Variants in CLINT1 observed in about 807,000 individuals in gnomAD.
The protein encoded by CLINT1 is clathrin interacting protein localized in the trans-Golgi region.
A neutral mutation model predicts 70.4 loss-of-function variants in CLINT1; 15 were observed. That is an observed-to-expected ratio of 0.21 (90% CI 0.14 to 0.33). The LOEUF is 0.33. Among genes scored for constraint, CLINT1 ranks in the 10% least tolerant of loss-of-function variants. The pLI, the probability that CLINT1 is intolerant of heterozygous loss-of-function variation, is 1.00. For missense variants in CLINT1, 615 were observed against 778.1 expected (o/e 0.79, Z 2.49); for synonymous variants, 227 against 254.7 (o/e 0.89, Z 1.04).
chr5:157,812,642 C>G (rs988000584), intron 5 of CLINT1, among the ~76,000 whole-genome samples: 1 of 152,146 alleles, frequency 6.6e-6, no homozygotes, highest in African/African-American at 2.4e-5. Context: ...GGAAGCTTAT[C>G]TGGTTTGGGC....
At chr5:157,858,274 A>G (rs1416160455) in intron 1 of CLINT1, among the ~76,000 whole-genome samples, 1 of 152,228 alleles carries the variant, frequency 6.6e-6, no homozygotes, top group Non-Finnish European at 1.5e-5. Flanking sequence ...GTAGTGGAAA[A>G]AGAAACAGAA....
chr5:157,810,220 G>C (rs1284342785), intron 5 of CLINT1, among the ~76,000 whole-genome samples: 3 of 152,102 alleles, frequency 2.0e-5, no homozygotes, highest in Non-Finnish European at 4.4e-5. Flanking sequence ...TTTCAGAAAA[G>C]CATTGGATAG....
At chr5:157,837,505 T>A (rs1182687921) in intron 1 of CLINT1, among the ~76,000 whole-genome samples, 2 of 152,110 alleles carry the variant, frequency 1.3e-5, no homozygotes, top group African/African-American at 2.4e-5. Flanking sequence ...ACTTGAGAAA[T>A]GCAATCGGTC....
At chr5:157,829,116 G>C (rs1145596) in intron 1 of CLINT1, among the ~76,000 whole-genome samples, 20,233 of 151,068 alleles carry the variant, frequency 0.13, 1,780 homozygotes, top group African/African-American at 0.25. Flanking sequence ...AACAACAACA[G>C]CAACAACAAC....
intron 1 of CLINT1, among the ~76,000 whole-genome samples, chr5:157,848,392 C>T (rs1418345723): frequency 2.0e-5 from 3 of 151,750 alleles, no homozygotes; most frequent in East Asian, 1.9e-4. Flanking sequence ...CCACTGCACC[C>T]GACCTAAGAA....
chr5:157,789,740 A>G (rs1339290198), intron 10 of CLINT1: 4 of 615,084 alleles, frequency 6.5e-6, no homozygotes, highest in Non-Finnish European at 8.5e-6. Flanking sequence ...CTGAAGTCCC[A>G]ATCAGGTTTG....
chr5:157,851,356 G>T (rs1232788470), intron 1 of CLINT1, among the ~76,000 whole-genome samples: 1 of 152,028 alleles, frequency 6.6e-6, no homozygotes, highest in Non-Finnish European at 1.5e-5. Flanking sequence ...CTTAAATACT[G>T]TCCTAAGAAT....
At chr5:157,794,827 G>T in intron 9 of CLINT1, 71 bp downstream of exon 9, 1 of 1,064,174 alleles carries the variant, frequency 9.4e-7, no homozygotes, top group South Asian at 1.4e-5. Context: ...AGCTGACTTG[G>T]GGGGAATGGG....
chr5:157,846,515 A>C (rs752149529), intron 1 of CLINT1, among the ~76,000 whole-genome samples: 3 of 152,260 alleles, frequency 2.0e-5, no homozygotes, highest in Admixed American at 1.3e-4. Flanking sequence ...TTAAGAAAAG[A>C]AGCCGCCTCC....
intron 1 of CLINT1, among the ~76,000 whole-genome samples, chr5:157,833,250 C>G (rs1468467751): frequency 6.6e-6 from 1 of 151,848 alleles, no homozygotes; most frequent in Non-Finnish European, 1.5e-5. Context: ...ATCTGGGAAG[C>G]TGAGGCAGGA....
At chr5:157,852,850 ATTAAGCT>A (rs1283826933) in intron 1 of CLINT1, among the ~76,000 whole-genome samples, 1 of 152,214 alleles carries the variant, frequency 6.6e-6, no homozygotes, top group Non-Finnish European at 1.5e-5. Flanking sequence ...AACACACATA[ATTAAGCT>A]AAACAAGGAA....
intron 1 of CLINT1, among the ~76,000 whole-genome samples, chr5:157,856,630 TG>T (rs1408222181): frequency 1.3e-5 from 2 of 152,200 alleles, no homozygotes; most frequent in African/African-American, 2.4e-5. Context: ...TGCTTACATT[TG>T]GGGGGAAGAA....
At chr5:157,814,506 C>T (rs1460428668) in intron 3 of CLINT1, among the ~76,000 whole-genome samples, 1 of 152,116 alleles carries the variant, frequency 6.6e-6, no homozygotes, top group Non-Finnish European at 1.5e-5. Context: ...AATTATAAAT[C>T]ATCTACTGGA....
chr5:157,809,441 C>T (rs1762478848), intron 6 of CLINT1, among the ~76,000 whole-genome samples, 187 bp downstream of exon 6: 1 of 148,628 alleles, frequency 6.7e-6, no homozygotes, highest in Non-Finnish European at 1.5e-5. Context: ...CAACTCTGTA[C>T]TTTATGCACA....
intron 9 of CLINT1, among the ~76,000 whole-genome samples, chr5:157,794,495 T>C (rs1192722064): frequency 6.6e-6 from 1 of 152,238 alleles, no homozygotes; most frequent in East Asian, 1.9e-4. Flanking sequence ...TAAAAAGGAA[T>C]GCATTTTAGT....
intron 8 of CLINT1, among the ~76,000 whole-genome samples, chr5:157,802,583 T>C (rs527344569): frequency 1.3e-5 from 2 of 151,642 alleles, no homozygotes; most frequent in Non-Finnish European, 2.9e-5. Flanking sequence ...TTCACTGTTG[T>C]TGCCCAGGCT....
At chr5:157,800,515 AAT>A (rs1182181377) in intron 8 of CLINT1, among the ~76,000 whole-genome samples, 1 of 152,144 alleles carries the variant, frequency 6.6e-6, no homozygotes, top group Non-Finnish European at 1.5e-5. Flanking sequence ...AAAATATTTA[AAT>A]AGAGATTGGG....
chr5:157,855,383 C>T (rs1753726272), intron 1 of CLINT1, among the ~76,000 whole-genome samples: 1 of 152,118 alleles, frequency 6.6e-6, no homozygotes, highest in African/African-American at 2.4e-5. Context: ...AATTTTATTA[C>T]AGCCACAAGT....
chr5:157,827,212 G>A (rs1339902704), intron 1 of CLINT1, among the ~76,000 whole-genome samples: 6 of 151,946 alleles, frequency 3.9e-5, no homozygotes, highest in Non-Finnish European at 5.9e-5. Context: ...TACCTAATAC[G>A]AATAATCACT....
Sources: allele counts gnomAD v4.1 joint callset (sites outside exome capture counted in the v4.1 genomes callset), GRCh38; gene constraint gnomAD v4.1.1; transcripts MANE v1.5; gene names NCBI Gene and HGNC (gene_info 2026-07-23, HGNC 2026-07-21).